TRIM52: variants seen among roughly 807,000 people sequenced by gnomAD.
TRIM52 encodes the protein E3 ubiquitin-protein ligase TRIM52.
Under a neutral mutation model 27.0 loss-of-function variants are expected in TRIM52, and 24 were observed. That is an observed-to-expected ratio of 0.89 (90% CI 0.64 to 1.25). The LOEUF (loss-of-function observed/expected upper bound fraction) is 1.25. Among genes scored for constraint, TRIM52 ranks in the 50% most tolerant of loss-of-function variants. The pLI, the probability that TRIM52 is intolerant of heterozygous loss-of-function variation, is 0.00. For synonymous variants in TRIM52, 125 were observed against 126.5 expected, an observed-to-expected ratio of 0.99 and a Z score of 0.08; for missense variants, 351 against 354.7, an observed-to-expected ratio of 0.99 and a Z score of 0.08.
chr5:181,250,135 G>A (rs891036311), downstream of TRIM52, among the ~76,000 whole-genome samples: 4 of 152,142 alleles, frequency 2.6e-5, no homozygotes, highest in Non-Finnish European at 5.9e-5. Flanking sequence ...GCATTCTGTT[G>A]TCTGTTGGGG....
In TRIM52 at chr5:181,260,136, C is replaced by T. The variant is rs751064028; in HGVS notation, c.678G>A (p.Met226Ile). 3.1e-6 allele frequency: 5 copies of T among 1,614,228 alleles called. No homozygotes were observed. Among genetic ancestry groups the T allele is most frequent in the Admixed American group, 1.7e-5 (1 of 60,024 alleles). ...YRGNRSNDQG[M>I]CFKHQEALKL... ...TCAGGGCTTCCTGGTGTTTAAAGCA[C>T]ATGCCCTGATCATTACTCCGGTTTC... is the stretch of plus-strand genomic sequence containing the variant. Residue 226 changes from methionine to isoleucine, a missense_variant, in exon 1 of 2, where the codon ATG becomes ATA. Physicochemically the swap from Met to Ile is conservative, Grantham distance 10. Transcript: ENST00000688015. The surrounding 1 kb of genome is among the most constrained non-coding windows in gnomAD (Gnocchi z 4.4).
rs1760017247 is a variant in TRIM52 at position 181,260,607 on chromosome 5, C to T, written c.207G>A (p.Glu69=). The change falls in exon 1 of 2, where the codon GAG becomes GAA. Residue 69 remains glutamate, a synonymous_variant. Transcript: ENST00000688015. The surrounding 1 kb of genome is among the most constrained non-coding windows in gnomAD (Gnocchi z 4.4). ...EEDEWEEEED[E]EAVGAMDGWD... is the part of the protein sequence containing the mutation. ...ATCCATCCATGGCCCCCACCGCTTCCTCGTCCTCCTCCTCCTCCCATTCAT... is the reference window on the plus strand; with the variant it reads ...ATCCATCCATGGCCCCCACCGCTTCTTCGTCCTCCTCCTCCTCCCATTCAT... 1 of 1,614,034 alleles carries T rather than the reference C, an allele frequency of 6.2e-7. No homozygotes were observed.
Position 181,255,819 on chromosome 5 carries a change from A to T in TRIM52, c.*990T>A, listed in dbSNP as rs1258899953. On this transcript the variant is annotated 3_prime_UTR_variant, in exon 2 of 2. Coordinates refer to ENST00000688015, the MANE Select transcript of TRIM52 (RefSeq NM_001346048.2). ...TCAGTGTGTTAAAACTCTGTTGAAA[A>T]TTTTAACTTTTGAAATGTTCAAGTA... The T allele has an allele frequency of 1.3e-5, 2 of 152,188 alleles. No homozygotes were observed. The highest frequency in any genetic ancestry group is 2.1e-4 in the South Asian group (1 of 4,834). 9.4% of individuals were successfully genotyped at this position (152,188 alleles called of 1,614,324 possible). A position where few individuals can be genotyped will look rare whatever the true frequency, so the allele number is the denominator to read the frequency against.
chr5:181,252,976 C>CG (rs1290346786), downstream of TRIM52, among the ~76,000 whole-genome samples: 5 of 152,008 alleles, frequency 3.3e-5, no homozygotes, highest in Admixed American at 1.3e-4. Context: ...TTTGCTACCC[C>CG]ACTCCAAGAG....
At chr5:181,257,589 T>TAA in intron 1 of TRIM52, 2 of 933,484 alleles carry the variant, frequency 2.1e-6, no homozygotes, top group Non-Finnish European at 3.1e-6. Flanking sequence ...CAAAAATAGT[T>TAA]CCTTGTACTG....
At chr5:181,258,906 G>A (rs1170067979) in intron 1 of TRIM52, 2 of 152,162 alleles carry the variant, frequency 1.3e-5, no homozygotes, top group Non-Finnish European at 2.9e-5. Context: ...CACTGCTATA[G>A]GAGAACACGA....
Position 181,260,017 on chromosome 5 carries a change from A to AC in TRIM52, c.796dup (p.Val266GlyfsTer15), listed in dbSNP as rs1759963791. The AC allele has an allele frequency of 6.2e-7, 1 of 1,613,460 alleles. No homozygotes were observed. Among genetic ancestry groups the AC allele is most frequent in the African/African-American group, 1.3e-5 (1 of 74,780 alleles). On this transcript the variant is annotated frameshift_variant, in exon 1 of 2. Coordinates refer to ENST00000688015, the MANE Select transcript of TRIM52 (RefSeq NM_001346048.2). LOFTEE classifies it high-confidence loss of function. The surrounding 1 kb of genome is among the most constrained non-coding windows in gnomAD (Gnocchi z 4.4). ...TTCTCTCACCTGGTACTCCTGCACCACCTCCTCCAAAGGCAGCACGCTGTG... is the reference window on the plus strand; with the variant it reads ...TTCTCTCACCTGGTACTCCTGCACCACCCTCCTCCAAAGGCAGCACGCTGTG...
chr5:181,261,057 T>C lies in TRIM52; in HGVS notation c.-244A>G, dbSNP rs187644831. 1.9e-5 allele frequency: 10 copies of C among 523,808 alleles called. No individual in the cohort carries two copies. Among genetic ancestry groups the C allele is most frequent in the Admixed American group, 7.1e-5 (2 of 28,204 alleles). The allele number at this position is 523,808 out of a possible 1,614,324, so 32.4% of individuals were successfully genotyped here. ...GCTGCAGCCCCCAGCTGCTCGGTCC[T>C]GTCACGTCTCTCGCTACCCTCAGGG... On this transcript the variant is annotated 5_prime_UTR_variant, in exon 1 of 2. Transcript: ENST00000688015.
At chr5:181,249,127 T>G (rs1199232072), downstream of TRIM52, among the ~76,000 whole-genome samples, 2 of 152,152 alleles carry the variant, frequency 1.3e-5, no homozygotes, top group Non-Finnish European at 2.9e-5. Context: ...CGGTGCAGGC[T>G]AGGTTGGAGG....
chr5:181,252,095 G>A (rs973260183), downstream of TRIM52, among the ~76,000 whole-genome samples: 2 of 152,140 alleles, frequency 1.3e-5, no homozygotes, highest in African/African-American at 2.4e-5. Context: ...TGTGATCCAC[G>A]TGTATCAGAA....
chr5:181,257,191 C>T, intron 1 of TRIM52: 2 of 1,219,740 alleles, frequency 1.6e-6, no homozygotes, highest in South Asian at 3.4e-5. Context: ...TTCTAGCTTG[C>T]AGAGTCAAGA....
At position 181,260,082 on chromosome 5, in the gene TRIM52, G is replaced by A. The variant is rs753131914; in HGVS notation, c.732C>T (p.Ala244=). 38 of 1,614,168 alleles carry A rather than the reference G, an allele frequency of 2.4e-5. No individual in the cohort carries two copies. In the Middle Eastern group the frequency reaches 2.6e-3, roughly 112 times the overall value. The change falls in exon 1 of 2, where the codon GCC becomes GCT. Residue 244 remains alanine, a synonymous_variant. Transcript: ENST00000688015. This position sits in a 1 kb window ranked among gnomAD's most constrained non-coding sequence, Gnocchi z 4.4. ...TGGATTCTCGGCACACCACACAGAT[G>A]GCCTCTTTGTCCACCTCACAGAAGA... ...LKLFCEVDKE[A]ICVVCRESRS...
In TRIM52 at chr5:181,260,596, C is replaced by T; in HGVS notation, c.218G>A (p.Gly73Glu). ...WEEEEDEEAV[G>E]AMDGWDGSIR... ...GGAGCCGTCCCATCCATCCATGGCC[C>T]CCACCGCTTCCTCGTCCTCCTCCTC... Residue 73 changes from glycine to glutamate, a missense_variant, in exon 1 of 2, where the codon GGG becomes GAG. Coordinates refer to ENST00000688015, the MANE Select transcript of TRIM52 (RefSeq NM_001346048.2). The surrounding 1 kb of genome is among the most constrained non-coding windows in gnomAD (Gnocchi z 4.4). The T allele has an allele frequency of 6.2e-7, 1 of 1,613,864 alleles. No homozygotes were observed. Among genetic ancestry groups the T allele is most frequent in the Non-Finnish European group, 8.5e-7 (1 of 1,179,968 alleles).
In TRIM52 at chr5:181,256,677, T is replaced by G; in HGVS notation, c.*132A>C. On this transcript the variant is annotated 3_prime_UTR_variant, in exon 2 of 2. Coordinates refer to ENST00000688015, the MANE Select transcript of TRIM52 (RefSeq NM_001346048.2). Reference sequence around the variant, plus strand: ...TTGCAATTAAAAGGGCTGTTTAATATTAAGCTTTCACGGCTTGGAAGATTC... The same window carrying G: ...TTGCAATTAAAAGGGCTGTTTAATAGTAAGCTTTCACGGCTTGGAAGATTC... 4 of 556,680 alleles carry G rather than the reference T, an allele frequency of 7.2e-6. No homozygotes were observed. Among genetic ancestry groups the G allele is most frequent in the Non-Finnish European group, 9.1e-6 (4 of 438,222 alleles). 34.5% of individuals were successfully genotyped at this position (556,680 alleles called of 1,614,324 possible). A position where few individuals can be genotyped will look rare whatever the true frequency, so the allele number is the denominator to read the frequency against.
downstream of TRIM52, among the ~76,000 whole-genome samples, chr5:181,251,933 T>C (rs1436071876): frequency 2.0e-5 from 3 of 152,204 alleles, no homozygotes; most frequent in East Asian, 5.8e-4. Flanking sequence ...CCATCCCATT[T>C]TCAAAAAGTC....
At chr5:181,259,544 TTC>T in intron 1 of TRIM52, 1 of 198,588 alleles carries the variant, frequency 5.0e-6, no homozygotes, top group South Asian at 8.6e-5. Context: ...CATCTGGCAT[TTC>T]TGTCTACCAA....
chr5:181,260,575 C>A lies in TRIM52; in HGVS notation c.239G>T (p.Gly80Val). Residue 80 changes from glycine (G) to valine (V), a missense_variant, in exon 1 of 2, where the codon GGC becomes GTC. By Grantham distance (109) the Gly-to-Val change is moderately radical. Transcript: ENST00000688015. This position sits in a 1 kb window ranked among gnomAD's most constrained non-coding sequence, Gnocchi z 4.4. ...CCGATACAACACCTCTCGAATGGAG[C>A]CGTCCCATCCATCCATGGCCCCCAC... is the stretch of plus-strand genomic sequence containing the variant. ...EAVGAMDGWD[G>V]SIREVLYRGN... 1 of 1,613,996 alleles carries A rather than the reference C, an allele frequency of 6.2e-7. No individual in the cohort carries two copies. Among genetic ancestry groups the A allele is most frequent in the Non-Finnish European group, 8.5e-7 (1 of 1,180,000 alleles).
Position 181,260,612 on chromosome 5 carries a change from C to T in TRIM52, c.202G>A (p.Asp68Asn). 1 of 1,613,524 alleles carries T rather than the reference C, an allele frequency of 6.2e-7. No homozygotes were observed. ...EEEDEWEEEEDEEAVGAMDGW... is the reference protein window; with the variant it reads ...EEEDEWEEEENEEAVGAMDGW... ...TCCATGGCCCCCACCGCTTCCTCGT[C>T]CTCCTCCTCCTCCCATTCATCTTCC... Residue 68 changes from aspartate (D) to asparagine (N), a missense_variant, in exon 1 of 2, where the codon GAC becomes AAC. Coordinates refer to ENST00000688015, the MANE Select transcript of TRIM52 (RefSeq NM_001346048.2). The surrounding 1 kb of genome is among the most constrained non-coding windows in gnomAD (Gnocchi z 4.4).
chr5:181,259,970 T>A, intron 1 of TRIM52, 31 bp downstream of exon 1: 1 of 1,612,678 alleles, frequency 6.2e-7, no homozygotes, highest in Non-Finnish European at 8.5e-7. Context: ...TCCACTCCCT[T>A]CATCCCCCCA....
Sources: gnomAD v4.1 joint callset for allele counts (sites outside exome capture counted in the v4.1 genomes callset) on GRCh38, gnomAD v4.1.1 for gene constraint, Gnocchi (gnomAD v3.1) non-coding constraint, MANE v1.5 for transcripts, NCBI Gene and HGNC (gene_info 2026-07-23, HGNC 2026-07-21) for gene names.